RORA: variants seen among roughly 807,000 people sequenced by gnomAD.
The protein encoded by RORA is RAR related orphan receptor A.
Under a neutral mutation model 69.5 loss-of-function variants are expected in RORA, and 7 were observed. The ratio of observed to expected loss-of-function variants is 0.10; its 90% CI spans 0.06 to 0.19. The LOEUF (loss-of-function observed/expected upper bound fraction) is 0.19, where lower values mean the gene tolerates loss of function less well. Among genes scored for constraint, RORA ranks in the 10% least tolerant of loss-of-function variants. RORA has a pLI of 1.00. For synonymous variants in RORA, 261 were observed against 240.8 expected, an observed-to-expected ratio of 1.08 and a Z score of -0.78; for missense variants, 457 against 663.0, an observed-to-expected ratio of 0.69 and a Z score of 3.41.
At chr15:61,091,376 T>C (rs1463802979) in intron 1 of RORA, among the ~76,000 whole-genome samples, 1 of 152,170 alleles carries the variant, frequency 6.6e-6, no homozygotes, top group Non-Finnish European at 1.5e-5. Context: ...TTTGACTCCC[T>C]GCCAAATTGC....
At chr15:61,025,581 G>A (rs1895767798) in intron 1 of RORA, among the ~76,000 whole-genome samples, 1 of 152,218 alleles carries the variant, frequency 6.6e-6, no homozygotes, top group Non-Finnish European at 1.5e-5. Flanking sequence ...GGTGAACACA[G>A]GACACCTTGT....
chr15:60,920,603 C>G (rs771896601), intron 1 of RORA, among the ~76,000 whole-genome samples: 28 of 151,986 alleles, frequency 1.8e-4, no homozygotes, highest in South Asian at 1.5e-3. Context: ...ACCACATACC[C>G]CAGGGAGAAG....
chr15:60,954,066 G>C (rs1172832915), intron 1 of RORA, among the ~76,000 whole-genome samples: 2 of 150,336 alleles, frequency 1.3e-5, no homozygotes, highest in Admixed American at 6.6e-5. Flanking sequence ...TGATAGACTG[G>C]ATTAAGAAAA....
chr15:60,957,623 G>C (rs916616911), intron 1 of RORA, among the ~76,000 whole-genome samples: 2 of 152,216 alleles, frequency 1.3e-5, no homozygotes, highest in Non-Finnish European at 2.9e-5. Context: ...CAGTGAGGCA[G>C]AGATGCACAT....
chr15:60,533,867 G>C (rs2066600679), intron 2 of RORA, among the ~76,000 whole-genome samples: 2 of 152,348 alleles, frequency 1.3e-5, no homozygotes, highest in African/African-American at 4.8e-5. Flanking sequence ...AAGGTGTAAT[G>C]ACAGAAATTA....
intron 2 of RORA, among the ~76,000 whole-genome samples, chr15:60,617,415 T>C (rs1391811610): frequency 6.6e-6 from 1 of 152,142 alleles, no homozygotes; most frequent in East Asian, 1.9e-4. Context: ...GTACTGAGTT[T>C]TGAAGGCAGC....
chr15:60,874,211 T>G (rs2073589582), intron 1 of RORA, among the ~76,000 whole-genome samples: 1 of 152,182 alleles, frequency 6.6e-6, no homozygotes, highest in East Asian at 1.9e-4. Context: ...GGGAGTAGAT[T>G]ATACTAAAAT....
chr15:61,198,675 C>A (rs369292635), intron 1 of RORA, among the ~76,000 whole-genome samples: 60 of 139,454 alleles, frequency 4.3e-4, no homozygotes, highest in African/African-American at 5.1e-4. Context: ...TATATTCTCT[C>A]AAAAAAAAAA....
chr15:60,783,145 A>G (rs920181272), intron 1 of RORA, among the ~76,000 whole-genome samples: 5 of 152,066 alleles, frequency 3.3e-5, no homozygotes, highest in African/African-American at 1.2e-4. Context: ...ATGGAATAGT[A>G]AAAAAAAGAA....
At chr15:60,575,563 C>T (rs1440641648) in intron 2 of RORA, among the ~76,000 whole-genome samples, 1 of 152,158 alleles carries the variant, frequency 6.6e-6, no homozygotes, top group Non-Finnish European at 1.5e-5. Flanking sequence ...CTGGAATCCT[C>T]CTGCCCTTTG....
intron 1 of RORA, among the ~76,000 whole-genome samples, chr15:60,846,836 C>T (rs1245841945): frequency 2.6e-5 from 4 of 152,152 alleles, no homozygotes; most frequent in African/African-American, 4.8e-5. Flanking sequence ...TGTGCAGTAT[C>T]GAATATGCTT....
Position 61,061,064 on chromosome 15 carries a change from A to C in RORA, c.166+167989T>G, listed in dbSNP as rs1167853657. 6.6e-6 allele frequency among the ~76,000 whole-genome samples: 1 copy of C among 152,168 alleles called. No homozygotes were observed. The highest frequency in any genetic ancestry group is 1.5e-5 in the Non-Finnish European group (1 of 68,036). On this transcript the variant is annotated intron_variant, in intron 1 of 10. Coordinates refer to ENST00000335670, the MANE Select transcript of RORA (RefSeq NM_134261.3). The surrounding 1 kb of genome is among the most constrained non-coding windows in gnomAD (Gnocchi z 4.4). ...TCCCTGGAATTTGGCATTAAAGGGC[A>C]TTGCAAGGGCTGGGCGCGGTGGCTC...
intron 2 of RORA, among the ~76,000 whole-genome samples, chr15:60,540,176 A>G (rs1022618141): frequency 6.6e-6 from 1 of 152,158 alleles, no homozygotes; most frequent in Admixed American, 6.5e-5. Flanking sequence ...CTTGCGATCA[A>G]CCTCACTCTA....
intron 2 of RORA, among the ~76,000 whole-genome samples, chr15:60,581,692 C>T (rs748720488): frequency 4.6e-5 from 7 of 152,168 alleles, no homozygotes; most frequent in Non-Finnish European, 8.8e-5. Context: ...CTGGGAAATT[C>T]CACACAAGGA....
intron 1 of RORA, among the ~76,000 whole-genome samples, chr15:60,874,957 G>A (rs1317230657): frequency 6.6e-6 from 1 of 152,082 alleles, no homozygotes; most frequent in African/African-American, 2.4e-5. Context: ...ATTTATCAGG[G>A]CATATGGCTC....
intron 1 of RORA, among the ~76,000 whole-genome samples, chr15:61,181,831 C>T (rs955939925): frequency 6.6e-6 from 1 of 151,990 alleles, no homozygotes; most frequent in Non-Finnish European, 1.5e-5. Context: ...ATACCAAACA[C>T]CAGTAGCACT....
In RORA at chr15:60,550,291, AAAAC is replaced by A. The variant is rs199798056; in HGVS notation, c.197-18444_197-18441del. On this transcript the variant is annotated intron_variant, in intron 2 of 10. Coordinates refer to ENST00000335670, the MANE Select transcript of RORA (RefSeq NM_134261.3). ...GGCAGCAGAGTGAGACTCCGTCTCA[AAAAC>A]AAACAAACAAACAAACAAAAAACCA... Among the ~76,000 whole-genome samples the A allele has an allele frequency of 2.1e-3, 315 of 152,204 alleles. 2 individuals are homozygous for A. The highest frequency in any genetic ancestry group is 8.4e-4 in the Non-Finnish European group (57 of 68,022).
intron 3 of RORA, among the ~76,000 whole-genome samples, chr15:60,519,463 A>AACTT (rs1435101978): frequency 1.3e-5 from 2 of 152,204 alleles, no homozygotes; most frequent in Non-Finnish European, 2.9e-5. Flanking sequence ...TTAACTCCAG[A>AACTT]ACTTACACTG....
At chr15:60,729,190 C>A (rs1194712160) in intron 1 of RORA, among the ~76,000 whole-genome samples, 1 of 152,144 alleles carries the variant, frequency 6.6e-6, no homozygotes, top group African/African-American at 2.4e-5. Context: ...CCCACCCCAC[C>A]CCATATTCTG....
Sources: allele counts gnomAD v4.1 joint callset (sites outside exome capture counted in the v4.1 genomes callset), GRCh38; gene constraint gnomAD v4.1.1; non-coding constraint Gnocchi (gnomAD v3.1); transcripts MANE v1.5; gene names NCBI Gene and HGNC (gene_info 2026-07-23, HGNC 2026-07-21).